Variants in PTPN3 observed in about 807,000 individuals in gnomAD.
PTPN3 encodes the protein tyrosine-protein phosphatase non-receptor type 3.
In PTPN3, 96 loss-of-function variants were observed where a neutral mutation model predicts 132.7. The observed-to-expected ratio is 0.72, with a 90% CI of 0.61 to 0.86. PTPN3 has a LOEUF of 0.86. PTPN3 is among the 40% of genes least tolerant of loss of function. PTPN3 has a pLI of 0.00. For missense variants in PTPN3, 1,125 were observed against 1,159.6 expected (o/e 0.97, Z 0.43); for synonymous variants, 398 against 429.0 (o/e 0.93, Z 0.89).
At chr9:109,450,990 T>C (rs1392183321) in intron 5 of PTPN3, 1 of 982,404 alleles carries the variant, frequency 1.0e-6, no homozygotes, top group Non-Finnish European at 1.2e-6. Flanking sequence ...AAGATAACTA[T>C]GTTCCAGGAA....
the PTPN3 span, among the ~76,000 whole-genome samples, chr9:109,508,164 C>CTT: frequency 1.7e-4 from 25 of 143,814 alleles, no homozygotes; most frequent in East Asian, 1.6e-3. Flanking sequence ...TTCTCTCTCT[C>CTT]TTTTTTTTTT....
intron 14 of PTPN3, chr9:109,417,739 C>G (rs930664121): frequency 4.0e-5 from 39 of 985,216 alleles, no homozygotes; most frequent in Non-Finnish European, 4.5e-5. Flanking sequence ...TTGCAGAGCA[C>G]AGTCACTAAC....
At chr9:109,504,478 A>G in the PTPN3 span, among the ~76,000 whole-genome samples, 2 of 152,248 alleles carry the variant, frequency 1.3e-5, no homozygotes, top group African/African-American at 4.8e-5. Context: ...CCAAAATTAT[A>G]TAGCAGCCCT....
intron 1 of PTPN3, among the ~76,000 whole-genome samples, chr9:109,487,600 A>T (rs573646723): frequency 6.6e-6 from 1 of 152,328 alleles, no homozygotes; most frequent in East Asian, 1.9e-4. Flanking sequence ...TTTGAGAAAC[A>T]CTGCTACAGG....
intron 6 of PTPN3, 23 bp from the exon 7 acceptor site, chr9:109,445,315 G>C: frequency 6.2e-7 from 1 of 1,603,586 alleles, no homozygotes; most frequent in Non-Finnish European, 8.5e-7. Flanking sequence ...AAACATATTA[G>C]CAAAGTCACA....
upstream of PTPN3, among the ~76,000 whole-genome samples, chr9:109,502,680 C>T (rs1847876312): frequency 1.3e-5 from 2 of 152,140 alleles, no homozygotes; most frequent in Non-Finnish European, 2.9e-5. Context: ...TGTGTGGTCC[C>T]AGCTACTTGG....
At chr9:109,522,289 G>A in the PTPN3 span, among the ~76,000 whole-genome samples, 1 of 152,206 alleles carries the variant, frequency 6.6e-6, no homozygotes, top group Non-Finnish European at 1.5e-5. Context: ...ATTAAGTGCA[G>A]GCTATAGACC....
intron 12 of PTPN3, among the ~76,000 whole-genome samples, chr9:109,426,676 T>C (rs1843305615): frequency 6.6e-6 from 1 of 152,196 alleles, no homozygotes; most frequent in South Asian, 2.1e-4. Context: ...CTCCATTTCC[T>C]TTATTATGTC....
chr9:109,533,126 ATTTTTTTTTTTTT>A, the PTPN3 span, among the ~76,000 whole-genome samples: 455 of 36,570 alleles, frequency 0.012, 16 homozygotes, highest in African/African-American at 0.051. Flanking sequence ...TACCTGGCTA[ATTTTTTTTTTTTT>A]TTTTTTTTTT....
chr9:109,440,666 T>G (rs1383047282), intron 7 of PTPN3, among the ~76,000 whole-genome samples: 2 of 152,272 alleles, frequency 1.3e-5, no homozygotes, highest in African/African-American at 2.4e-5. Flanking sequence ...ACCTTTACTC[T>G]GTTGGTTTCA....
chr9:109,406,702 C>T (rs916309506), intron 17 of PTPN3, 84 bp from the exon 18 acceptor site: 64 of 1,522,960 alleles, frequency 4.2e-5, no homozygotes, highest in Non-Finnish European at 5.7e-5. Context: ...TGCTCCCAGA[C>T]ACCTGGGACC....
In PTPN3 at chr9:109,445,310, T is replaced by C. The variant is rs1348273517; in HGVS notation, c.414-18A>G. The C allele has an allele frequency of 6.8e-6, 11 of 1,608,236 alleles. No individual in the cohort carries two copies. The highest frequency in any genetic ancestry group is 1.1e-5 in the South Asian group (1 of 90,962). ...AGGTTAACCTGTCAGGAGAAAAACA[T>C]ATTAGCAAAGTCACAAGAACCAACA... On this transcript the variant is annotated intron_variant, in intron 6 of 25. Coordinates refer to ENST00000374541, the MANE Select transcript of PTPN3 (RefSeq NM_002829.4).
chr9:109,460,497 CCT>C (rs1031606611), intron 2 of PTPN3, among the ~76,000 whole-genome samples: 3 of 152,104 alleles, frequency 2.0e-5, no homozygotes, highest in Admixed American at 6.5e-5. Flanking sequence ...ACCCCTTACC[CCT>C]GTTATCTCTC....
chr9:109,432,926 A>G, intron 10 of PTPN3, 147 bp downstream of exon 10: 1 of 1,366,532 alleles, frequency 7.3e-7, no homozygotes, highest in Non-Finnish European at 9.6e-7. Flanking sequence ...CCAAATCTGG[A>G]CCAAATTTAG....
chr9:109,428,210 A>G (rs562873577), intron 11 of PTPN3, among the ~76,000 whole-genome samples: 1 of 152,348 alleles, frequency 6.6e-6, no homozygotes, highest in East Asian at 1.9e-4. Context: ...ATTTCTGGAA[A>G]CAAGGTAACT....
rs1254423411 is a variant in PTPN3, at chr9:109,429,023, A to G, written c.765-339T>C. The G allele has an allele frequency of 4.1e-6, 4 of 985,366 alleles. No individual in the cohort carries two copies. In the African/African-American group the frequency reaches 5.2e-5, roughly 13 times the overall value. The allele number at this position is 985,366 out of a possible 1,614,324, so 61.0% of individuals were successfully genotyped here. A position where few individuals can be genotyped will look rare whatever the true frequency, so the allele number is the denominator to read the frequency against. The stretch of plus-strand genomic sequence containing the variant: ...ATACATGGGGAAGACAGCTGAGAGC[A>G]GCATGGAGCAGCTGAAAGAGGACAG... On this transcript the variant is annotated intron_variant, in intron 10 of 25. Transcript: ENST00000374541.
At chr9:109,499,634 G>A (rs1238956544), upstream of PTPN3, among the ~76,000 whole-genome samples, 1 of 152,356 alleles carries the variant, frequency 6.6e-6, no homozygotes, top group East Asian at 1.9e-4. Context: ...GGGATGCAGA[G>A]ATGGTTGGAA....
At position 109,389,318 on chromosome 9, in the gene PTPN3, TGCGGCA is replaced by T. The variant is rs762217696; in HGVS notation, c.2162_2167del (p.Leu721_Pro722del). Reference sequence around the variant, plus strand: ...AACCTGCCAAAACTGTGCACAGGTATGCGGCAGGGGCCCCTGAGTGGCGATGTACTT... The same window carrying T: ...AACCTGCCAAAACTGTGCACAGGTATGGGGCCCCTGAGTGGCGATGTACTT... On this transcript the variant is annotated inframe_deletion, in exon 22 of 26. Transcript: ENST00000374541. 9 of 1,614,194 alleles carry T rather than the reference TGCGGCA, an allele frequency of 5.6e-6. No individual in the cohort carries two copies. Among genetic ancestry groups the T allele is most frequent in the Non-Finnish European group, 6.8e-6 (8 of 1,180,018 alleles).
Position 109,391,555 on chromosome 9 carries a change from A to T in PTPN3, c.1960T>A (p.Tyr654Asn), listed in dbSNP as rs1840101918. Residue 654 changes from tyrosine (Y) to asparagine (N), a missense_variant, in exon 20 of 26, where the codon TAC becomes AAC. Tyr to Asn is a moderately radical substitution (Grantham distance 143). Coordinates refer to ENST00000374541, the MANE Select transcript of PTPN3 (RefSeq NM_002829.4). The part of the protein sequence containing the change: ...GTVLIQFEQL[Y>N]RKKPGLAITF... ...ATGGCCAAACCTGGCTTTTTTCTGT[A>T]GAGTTGCTATGTGAGAAATAGAGAA... 2 of 1,612,686 alleles carry T rather than the reference A, an allele frequency of 1.2e-6. No homozygotes were observed. The highest frequency in any genetic ancestry group is 1.3e-5 in the African/African-American group (1 of 74,888).
Sources: allele counts gnomAD v4.1 joint callset (sites outside exome capture counted in the v4.1 genomes callset), GRCh38; gene constraint gnomAD v4.1.1; transcripts MANE v1.5; gene names NCBI Gene and HGNC (gene_info 2026-07-23, HGNC 2026-07-21).